Variants in PRR16 observed in about 807,000 individuals in gnomAD.
PRR16 encodes the protein protein Largen.
In PRR16, 6 loss-of-function variants were observed where a neutral mutation model predicts 18.2. The observed-to-expected ratio is 0.33, with a 90% CI of 0.18 to 0.65. The LOEUF (loss-of-function observed/expected upper bound fraction) is 0.65. PRR16 is among the 30% of genes least tolerant of loss of function. The pLI, the probability that PRR16 is intolerant of heterozygous loss-of-function variation, is 0.74. For synonymous variants in PRR16, 151 were observed against 147.8 expected, an observed-to-expected ratio of 1.02 and a Z score of -0.16; for missense variants, 412 against 376.6, an observed-to-expected ratio of 1.09 and a Z score of -0.78.
intron 1 of PRR16, among the ~76,000 whole-genome samples, chr5:120,536,170 G>C (rs965855522): frequency 6.6e-6 from 1 of 152,172 alleles, no homozygotes. Flanking sequence ...AAATGACATT[G>C]TGTGTGTAAC....
At chr5:120,588,715 T>G (rs1158467712) in intron 1 of PRR16, among the ~76,000 whole-genome samples, 1 of 152,180 alleles carries the variant, frequency 6.6e-6, no homozygotes, top group African/African-American at 2.4e-5. Flanking sequence ...TGCCTATATT[T>G]GTAAATTATA....
At chr5:120,493,631 A>T (rs970641247) in intron 1 of PRR16, among the ~76,000 whole-genome samples, 30 of 152,272 alleles carry the variant, frequency 2.0e-4, no homozygotes, top group African/African-American at 7.0e-4. Context: ...ACAGAACAGC[A>T]CCATTGCCAC....
chr5:120,662,430 G>A (rs1468762828), intron 1 of PRR16, among the ~76,000 whole-genome samples: 2 of 151,794 alleles, frequency 1.3e-5, no homozygotes, highest in East Asian at 1.9e-4. Context: ...GTACTATTCT[G>A]GAACTCAGTT....
At chr5:120,696,254 CA>C in the PRR16 span, among the ~76,000 whole-genome samples, 12 of 151,704 alleles carry the variant, frequency 7.9e-5, no homozygotes, top group African/African-American at 2.9e-4. Flanking sequence ...AAAACAAAAA[CA>C]AAAAACCCAC....
the PRR16 span, among the ~76,000 whole-genome samples, chr5:120,775,414 C>T: frequency 6.6e-6 from 1 of 152,008 alleles, no homozygotes; most frequent in South Asian, 2.1e-4. Flanking sequence ...ATGTGTTGTC[C>T]ATTCTACACC....
At chr5:120,488,658 C>T (rs1749906790) in intron 1 of PRR16, among the ~76,000 whole-genome samples, 1 of 152,064 alleles carries the variant, frequency 6.6e-6, no homozygotes, top group Non-Finnish European at 1.5e-5. Context: ...TTCAGTTCTG[C>T]TCTGATTTTA....
At chr5:120,791,820 C>T in the PRR16 span, among the ~76,000 whole-genome samples, 2 of 152,100 alleles carry the variant, frequency 1.3e-5, no homozygotes, top group South Asian at 4.1e-4. Context: ...AAATCAAACT[C>T]CCAACATGTT....
intron 1 of PRR16, among the ~76,000 whole-genome samples, chr5:120,591,104 A>G (rs1580761457): frequency 6.6e-6 from 1 of 151,822 alleles, no homozygotes; most frequent in African/African-American, 2.4e-5. Context: ...ATAGTGAAAC[A>G]CCGTCTCTAC....
At chr5:120,622,247 G>T (rs1055508175) in intron 1 of PRR16, among the ~76,000 whole-genome samples, 1 of 152,048 alleles carries the variant, frequency 6.6e-6, no homozygotes, top group Non-Finnish European at 1.5e-5. Flanking sequence ...ATCTAGAAAA[G>T]TAATGGCACA....
At chr5:120,521,436 T>C (rs996149100) in intron 1 of PRR16, among the ~76,000 whole-genome samples, 2 of 152,174 alleles carry the variant, frequency 1.3e-5, no homozygotes, top group Non-Finnish European at 2.9e-5. Flanking sequence ...ATATGACCTG[T>C]ATATGTATAA....
intron 1 of PRR16, among the ~76,000 whole-genome samples, chr5:120,572,631 C>A (rs944599321): frequency 6.6e-6 from 1 of 152,134 alleles, no homozygotes; most frequent in Non-Finnish European, 1.5e-5. Context: ...ATTAATGGGA[C>A]TACATGAGTT....
In PRR16 at chr5:120,666,499, C is replaced by A. The variant is rs1199468430; in HGVS notation, c.160-19455C>A. Among the ~76,000 whole-genome samples the A allele has an allele frequency of 2.8e-4, 43 of 151,392 alleles. 1 individual carries two copies. The highest frequency in any genetic ancestry group is 6.8e-3 in the Middle Eastern group (2 of 292). ...GGCCAGAACTTCCAACACTATGTTG[C>A]ATAGGAGTGGTGAGAGAGGGCATCC... is the stretch of plus-strand genomic sequence containing the variant. On this transcript the variant is annotated intron_variant, in intron 1 of 1. Transcript: ENST00000407149.
chr5:120,684,387 G>A (rs1757057680), intron 1 of PRR16, among the ~76,000 whole-genome samples: 1 of 152,014 alleles, frequency 6.6e-6, no homozygotes, highest in South Asian at 2.1e-4. Flanking sequence ...AGATGCTTTT[G>A]GTGTTTTCAT....
intron 1 of PRR16, among the ~76,000 whole-genome samples, chr5:120,569,286 A>C (rs1752830646): frequency 6.6e-6 from 1 of 152,164 alleles, no homozygotes; most frequent in Admixed American, 6.6e-5. Context: ...AAAAACTTAT[A>C]AAACTGATAT....
At chr5:120,606,687 G>C (rs551594673) in intron 1 of PRR16, among the ~76,000 whole-genome samples, 145 of 152,206 alleles carry the variant, frequency 9.5e-4, no homozygotes, top group African/African-American at 3.4e-3. Context: ...AGAATTACTT[G>C]AGACCAGGAG....
the PRR16 span, among the ~76,000 whole-genome samples, chr5:120,695,284 T>G: frequency 6.6e-6 from 1 of 152,196 alleles, no homozygotes; most frequent in Non-Finnish European, 1.5e-5. Context: ...AAACAGATTT[T>G]TTTTCTAAGT....
intron 1 of PRR16, among the ~76,000 whole-genome samples, chr5:120,547,663 G>C (rs565048229): frequency 2.0e-5 from 3 of 151,970 alleles, no homozygotes; most frequent in African/African-American, 7.2e-5. Context: ...GATGTTAAAA[G>C]AACAGAATGT....
chr5:120,620,810 A>T (rs1310641603), intron 1 of PRR16, among the ~76,000 whole-genome samples: 1 of 151,978 alleles, frequency 6.6e-6, no homozygotes, highest in African/African-American at 2.4e-5. Flanking sequence ...TGCTGATCTC[A>T]TCCAGCCCAT....
chr5:120,534,736 T>G (rs2112672238), intron 1 of PRR16, among the ~76,000 whole-genome samples: 1 of 152,342 alleles, frequency 6.6e-6, no homozygotes, highest in East Asian at 1.9e-4. Context: ...AAAACAGATC[T>G]TTATAATGTA....
Sources: gnomAD v4.1 joint callset for allele counts (sites outside exome capture counted in the v4.1 genomes callset) on GRCh38, gnomAD v4.1.1 for gene constraint, MANE v1.5 for transcripts, NCBI Gene and HGNC (gene_info 2026-07-23, HGNC 2026-07-21) for gene names.